The following ABCB8 variants were observed in gnomAD, a reference collection of about 807,000 sequenced individuals.
ABCB8 encodes the protein ATP binding cassette subfamily B member 8.
ABCB8 carries 52 observed loss-of-function variants against 73.0 expected under a neutral mutation model. That is an observed-to-expected ratio of 0.71 (90% CI 0.57 to 0.90). The LOEUF (loss-of-function observed/expected upper bound fraction) is 0.90, where lower values mean the gene tolerates loss of function less well. ABCB8 is among the 40% of genes least tolerant of loss of function. The pLI, the probability that ABCB8 is intolerant of heterozygous loss-of-function variation, is 0.00. For synonymous variants in ABCB8, 428 were observed against 423.5 expected (o/e 1.01, Z -0.13); for missense variants, 909 against 974.6 (o/e 0.93, Z 0.90).
At position 151,033,694 on chromosome 7, in the gene ABCB8, T is replaced by A. The variant is rs1457359666; in HGVS notation, c.185T>A (p.Leu62Gln). ...QLWAHLPRAP[L>Q]APRWSPSAWC... ...TGGGCCCACCTCCCTCGAGCCCCCC[T>A]AGCTCCCAGATGGAGCCCCTCTGCC... Residue 62 changes from leucine to glutamine, a missense_variant, in exon 2 of 16, where the codon CTA (leucine) becomes CAA (glutamine). Transcript: ENST00000358849. 1 of 1,613,162 alleles carries A rather than the reference T, an allele frequency of 6.2e-7. No individual in the cohort carries two copies. Among genetic ancestry groups the A allele is most frequent in the African/African-American group, 1.3e-5 (1 of 74,902 alleles).
rs992028043 is a variant in ABCB8, at chr7:151,042,095, C to T, written c.1752C>T (p.Tyr584=). Residue 584 remains tyrosine, a synonymous_variant, in exon 14 of 16, where the codon TAC becomes TAT. Coordinates refer to ENST00000358849, the MANE Select transcript of ABCB8 (RefSeq NM_007188.5). ...TCATCACCAGCTTCCCCGAGGGCTA[C>T]AACACGGTCGTCGGTGGGTGCTCGG... ...HEFITSFPEG[Y]NTVVGERGTT... is the part of the protein sequence containing the mutation. 1.2e-6 allele frequency: 2 copies of T among 1,612,976 alleles called. No homozygotes were observed. Among genetic ancestry groups the T allele is most frequent in the Non-Finnish European group, 1.7e-6 (2 of 1,179,904 alleles).
Position 151,035,588 on chromosome 7 carries a change from G to C in ABCB8, c.773G>C (p.Arg258Pro). The change falls in exon 6 of 16, where the codon CGA (arginine) becomes CCA (proline). Residue 258 changes from arginine to proline, a missense_variant. Arg to Pro is a moderately radical substitution (Grantham distance 103). Coordinates refer to ENST00000358849, the MANE Select transcript of ABCB8 (RefSeq NM_007188.5). ...SFKLVISQGLRSCTQVAGCLV... is the reference protein window; with the variant it reads ...SFKLVISQGLPSCTQVAGCLV... ...TTCCCTCCCACTCCCTAGGGGCTGC[G>C]AAGCTGCACCCAGGTGGCAGGCTGC... is the stretch of plus-strand genomic sequence containing the variant. 2 of 1,599,122 alleles carry C rather than the reference G, an allele frequency of 1.3e-6. No individual in the cohort carries two copies. Among genetic ancestry groups the C allele is most frequent in the East Asian group, 4.5e-5 (2 of 44,522 alleles).
At position 151,028,598 on chromosome 7, in the gene ABCB8, T is replaced by C. The variant is rs767427851; in HGVS notation, c.83T>C (p.Phe28Ser). 6.2e-7 allele frequency: 1 copy of C among 1,613,684 alleles called. No individual in the cohort carries two copies. Among genetic ancestry groups the C allele is most frequent in the Non-Finnish European group, 8.5e-7 (1 of 1,179,988 alleles). Reference sequence around the variant, plus strand: ...CTACCGCCCCTCCGCTTCCAGACATTCTCAGCTGTCAGGTAAAAACGGAAA... The same window carrying C: ...CTACCGCCCCTCCGCTTCCAGACATCCTCAGCTGTCAGGTAAAAACGGAAA... The part of the protein sequence containing the change: ...RLLPPLRFQT[F>S]SAVRYSDGYR... Residue 28 changes from phenylalanine (F) to serine (S), a missense_variant, in exon 1 of 16, where the codon TTC (phenylalanine) becomes TCC (serine). Transcript: ENST00000358849.
At chr7:151,040,992 C>T in intron 12 of ABCB8, 70 bp downstream of exon 12, 2 of 1,607,190 alleles carry the variant, frequency 1.2e-6, no homozygotes, top group Non-Finnish European at 1.7e-6. Flanking sequence ...AGGCCGGGAG[C>T]AGTGAGCCCC....
Position 151,036,597 on chromosome 7 carries a change from C to T in ABCB8, c.1165C>T (p.Leu389=). 4 of 1,613,682 alleles carry T rather than the reference C, an allele frequency of 2.5e-6. No individual in the cohort carries two copies. Among genetic ancestry groups the T allele is most frequent in the Non-Finnish European group, 3.4e-6 (4 of 1,179,764 alleles). Residue 389 remains leucine, a synonymous_variant, in exon 9 of 16, where the codon CTG becomes TTG. Transcript: ENST00000358849. The part of the protein sequence containing the change: ...IGGSLVAGQQ[L]TGGDLMSFLV... Reference sequence around the variant, plus strand: ...GGGCTCCCTTGTGGCCGGACAGCAGCTGACAGGGGGAGACCTCATGTCCTT... The same window carrying T: ...GGGCTCCCTTGTGGCCGGACAGCAGTTGACAGGGGGAGACCTCATGTCCTT...
Position 151,034,264 on chromosome 7 carries a change from C to T in ABCB8, c.409-9C>T. ...TAAAACATTTGTGCCCTCTGTCTCC[C>T]CATTCCAGCTGGCCTTGGGTGCGGC... is the stretch of plus-strand genomic sequence containing the variant. On this transcript the variant is annotated splice_polypyrimidine_tract_variant and intron_variant, in intron 2 of 15. Transcript: ENST00000358849. 6.2e-7 allele frequency: 1 copy of T among 1,608,432 alleles called. No homozygotes were observed. The highest frequency in any genetic ancestry group is 8.5e-7 in the Non-Finnish European group (1 of 1,177,388).
chr7:151,037,681 C>G (rs1183148390), intron 9 of ABCB8: 9 of 344,548 alleles, frequency 2.6e-5, no homozygotes, highest in Admixed American at 4.3e-5. Context: ...ACCGGGGCCC[C>G]CACCCCATTC....
At position 151,045,255 on chromosome 7, in the gene ABCB8, A is replaced by G. The variant is rs773244227; in HGVS notation, c.2063A>G (p.Glu688Gly). ...CTGAAGAAAGGCGGGCTATACGCCG[A>G]GCTCATCCGGAGGCAGGCCCTGGAT... ...ELLKKGGLYA[E>G]LIRRQALDAP... Residue 688 changes from glutamate to glycine, a missense_variant, in exon 16 of 16, where the codon GAG becomes GGG. Physicochemically the swap from Glu to Gly is moderately conservative, Grantham distance 98. Coordinates refer to ENST00000358849, the MANE Select transcript of ABCB8 (RefSeq NM_007188.5). The G allele has an allele frequency of 1.2e-6, 2 of 1,604,552 alleles. No homozygotes were observed. Among genetic ancestry groups the G allele is most frequent in the Non-Finnish European group, 1.7e-6 (2 of 1,175,140 alleles).
In ABCB8 at chr7:151,028,581, C is replaced by T. The variant is rs775245762; in HGVS notation, c.66C>T (p.Pro22=). ...GGPFPGRLLP[P]LRFQTFSAVR... ...CATTCCCAGGCAGGCTGCTACCGCC[C>T]CTCCGCTTCCAGACATTCTCAGCTG... The change falls in exon 1 of 16, where the codon CCC becomes CCT. Residue 22 remains proline (P), a synonymous_variant. Coordinates refer to ENST00000358849, the MANE Select transcript of ABCB8 (RefSeq NM_007188.5). 1.1e-5 allele frequency: 17 copies of T among 1,613,954 alleles called. No individual in the cohort carries two copies. In the Admixed American group the frequency reaches 2.3e-4, roughly 22 times the overall value.
intron 9 of ABCB8, chr7:151,037,761 C>T (rs141817085): frequency 4.4e-6 from 1 of 227,648 alleles, no homozygotes; most frequent in Admixed American, 5.2e-5. Context: ...ATCAGAACCC[C>T]TCACTGCAGG....
At chr7:151,040,725 C>G in intron 11 of ABCB8, 91 bp downstream of exon 11, 1 of 1,601,310 alleles carries the variant, frequency 6.2e-7, no homozygotes, top group Non-Finnish European at 8.5e-7. Context: ...TAATGTCCCC[C>G]ATAAACAGGC....
chr7:151,040,187 C>T, intron 9 of ABCB8, 81 bp from the exon 10 acceptor site: 2 of 1,532,812 alleles, frequency 1.3e-6, no homozygotes, highest in Non-Finnish European at 8.8e-7. Flanking sequence ...TCCTTGCTCC[C>T]CCGCCCCACC....
chr7:151,040,689 G>A (rs1165433993), intron 11 of ABCB8, 55 bp downstream of exon 11: 1 of 1,600,910 alleles, frequency 6.2e-7, no homozygotes, highest in African/African-American at 1.3e-5. Context: ...GATGAGGCGA[G>A]TGGATTCGGG....
At chr7:151,034,905 C>T (rs1796262884) in intron 5 of ABCB8, 76 bp downstream of exon 5, 1 of 1,347,882 alleles carries the variant, frequency 7.4e-7, no homozygotes, top group East Asian at 2.4e-5. Context: ...GCCCTGCCCG[C>T]CCCAGCCCTG....
intron 13 of ABCB8, among the ~76,000 whole-genome samples, chr7:151,041,738 C>T (rs1389274808): frequency 6.6e-6 from 1 of 152,238 alleles, no homozygotes; most frequent in Non-Finnish European, 1.5e-5. Context: ...ACTCCCACTC[C>T]TGGGGAGGGA....
intron 9 of ABCB8, 163 bp downstream of exon 9, chr7:151,036,812 C>T (rs748611286): frequency 1.3e-6 from 1 of 768,584 alleles, no homozygotes; most frequent in East Asian, 2.5e-5. Flanking sequence ...GAGAGAGCCC[C>T]TCAGGGCCCA....
chr7:151,039,541 AGCCCTACCCCGGCCCTGCC>A, intron 9 of ABCB8: 1 of 152,762 alleles, frequency 6.5e-6, no homozygotes, highest in Non-Finnish European at 1.5e-5. Flanking sequence ...GCAGCCGGCC[AGCCCTACCCCGGCCCTGCC>A]GGGACGAAGG....
At position 151,034,703 on chromosome 7, in the gene ABCB8, T is replaced by C. The variant is rs1355259126; in HGVS notation, c.660-21T>C. 1.9e-6 allele frequency: 3 copies of C among 1,612,790 alleles called. No homozygotes were observed. The South Asian group carries it at 3.3e-5, about 18-fold the overall frequency. The stretch of plus-strand genomic sequence containing the variant: ...ATGTCTCCCTCTTCTGCCCTCCTTA[T>C]TGGTTCTTGTCCCATGCCAGACAAG... On this transcript the variant is annotated intron_variant, in intron 4 of 15. Coordinates refer to ENST00000358849, the MANE Select transcript of ABCB8 (RefSeq NM_007188.5).
intron 13 of ABCB8, 151 bp from the exon 14 acceptor site, chr7:151,041,810 A>G: frequency 1.0e-6 from 1 of 1,000,762 alleles, no homozygotes; most frequent in Non-Finnish European, 1.4e-6. Context: ...CTGCATCCTC[A>G]CTTCACCTCT....
Sources: allele counts gnomAD v4.1 joint callset (sites outside exome capture counted in the v4.1 genomes callset), GRCh38; gene constraint gnomAD v4.1.1; transcripts MANE v1.5; gene names NCBI Gene and HGNC (gene_info 2026-07-23, HGNC 2026-07-21).